Variants in HMCN2 observed in about 807,000 individuals in gnomAD.
HMCN2 encodes the protein hemicentin 2, also known as hemicentin-2.
A neutral mutation model predicts 377.5 loss-of-function variants in HMCN2; 325 were observed. The observed-to-expected ratio is 0.86, with a 90% CI of 0.79 to 0.94. The LOEUF (loss-of-function observed/expected upper bound fraction) is 0.94. HMCN2 is among the 40% of genes least tolerant of loss of function. The pLI is 0.00. For synonymous variants in HMCN2, 2,007 were observed against 2,046.8 expected, an observed-to-expected ratio of 0.98 and a Z score of 0.53; for missense variants, 4,543 against 4,725.3, an observed-to-expected ratio of 0.96 and a Z score of 1.13.
intron 25 of HMCN2, among the ~76,000 whole-genome samples, 199 bp from the exon 26 acceptor site, chr9:130,346,967 A>G (rs967589916): frequency 0.04 from 6,104 of 152,120 alleles, 147 homozygotes; most frequent in African/African-American, 0.068. Flanking sequence ...ATGGATGGGC[A>G]GTGTGGGTAG....
At chr9:130,416,569 T>C (rs551854648) in intron 85 of HMCN2, among the ~76,000 whole-genome samples, 2 of 152,340 alleles carry the variant, frequency 1.3e-5, no homozygotes, top group East Asian at 3.9e-4. Context: ...AGTTTATTCA[T>C]GTATTCCACT....
chr9:130,276,034 G>C (rs1253564460), intron 1 of HMCN2, among the ~76,000 whole-genome samples: 1 of 151,258 alleles, frequency 6.6e-6, no homozygotes, highest in Non-Finnish European at 1.5e-5. Context: ...GCTAGAAAGA[G>C]ATGGCCCAGG....
intron 71 of HMCN2, 31 bp downstream of exon 71, chr9:130,395,378 C>T (rs768415949): frequency 6.0e-5 from 76 of 1,269,896 alleles, no homozygotes; most frequent in Non-Finnish European, 7.5e-5. Flanking sequence ...CAGGGTGCTG[C>T]CTTCTGTCCC....
intron 54 of HMCN2, among the ~76,000 whole-genome samples, chr9:130,380,127 G>C (rs1283607716): frequency 2.0e-5 from 3 of 152,188 alleles, no homozygotes; most frequent in Admixed American, 2.0e-4. Flanking sequence ...CCACCGTCTC[G>C]GATCGGCCTC....
rs1195107799 is a variant in HMCN2, at chr9:130,351,926, C to T, written c.4585+349C>T. Among the ~76,000 whole-genome samples, 1 of 152,116 alleles carries T rather than the reference C, an allele frequency of 6.6e-6. No individual in the cohort carries two copies. The highest frequency in any genetic ancestry group is 1.5e-5 in the Non-Finnish European group (1 of 68,038). Reference sequence around the variant, plus strand: ...TCCCAGATTCAAGTGATTCTCTTGCCTCAGCCTCCCGAGTAGCTGGGATTA... The same window carrying T: ...TCCCAGATTCAAGTGATTCTCTTGCTTCAGCCTCCCGAGTAGCTGGGATTA... On this transcript the variant is annotated intron_variant, in intron 30 of 97. Transcript: ENST00000683500. The surrounding 1 kb of genome is among the most constrained non-coding windows in gnomAD (Gnocchi z 5.4).
chr9:130,384,871 A>G (rs1039777686), intron 59 of HMCN2, 73 bp downstream of exon 59: 1 of 1,028,348 alleles, frequency 9.7e-7, no homozygotes, highest in Non-Finnish European at 1.3e-6. Context: ...ACTCCCCCAG[A>G]GAACATAGAC....
intron 48 of HMCN2, among the ~76,000 whole-genome samples, chr9:130,374,114 G>A (rs551379348): frequency 6.6e-6 from 1 of 151,890 alleles, no homozygotes; most frequent in Non-Finnish European, 1.5e-5. Flanking sequence ...ATGGGTGGGC[G>A]GTGGGTGTGT....
intron 60 of HMCN2, 29 bp from the exon 61 acceptor site, chr9:130,386,414 A>G: frequency 7.8e-7 from 1 of 1,290,158 alleles, no homozygotes; most frequent in Non-Finnish European, 1.0e-6. Context: ...GCTCCAGCAC[A>G]CAGCCACTGT....
intron 23 of HMCN2, among the ~76,000 whole-genome samples, chr9:130,340,820 G>A (rs1036237984): frequency 1.4e-4 from 21 of 152,146 alleles, no homozygotes; most frequent in Admixed American, 1.3e-3. Flanking sequence ...TCCCAGCCCC[G>A]AGTGGCGCTT....
In HMCN2 at chr9:130,309,910, AG is replaced by A. The variant is rs1554938327; in HGVS notation, c.2204del. ...CCTGATGCTTCTTCCTCTTTGGTCCAGGGGGTCTTGAAATGATCCTGGCCCC... is the reference window on the plus strand; with the variant it reads ...CCTGATGCTTCTTCCTCTTTGGTCCAGGGGTCTTGAAATGATCCTGGCCCC... On this transcript the variant is annotated splice_acceptor_variant, in intron 14 of 97. Coordinates refer to ENST00000683500, the MANE Select transcript of HMCN2 (RefSeq NM_001291815.2). LOFTEE classifies it high-confidence loss of function. The A allele has an allele frequency of 2.0e-6, 1 of 495,632 alleles. No individual in the cohort carries two copies. Among genetic ancestry groups the A allele is most frequent in the East Asian group, 6.2e-5 (1 of 16,204 alleles). 30.7% of individuals were successfully genotyped at this position (495,632 alleles called of 1,614,324 possible). A position where few individuals can be genotyped will look rare whatever the true frequency, so the allele number is the denominator to read the frequency against.
chr9:130,422,525 G>A lies in HMCN2; in HGVS notation c.13232-52G>A. On this transcript the variant is annotated intron_variant, in intron 86 of 97. Coordinates refer to ENST00000683500, the MANE Select transcript of HMCN2 (RefSeq NM_001291815.2). This position sits in a 1 kb window ranked among gnomAD's most constrained non-coding sequence, Gnocchi z 4.2. Reference sequence around the variant, plus strand: ...GGGAATGACAGCCTGCTTGTGCTGTGGGCCCCGGGGTGGATAGTCAGTGGC... The same window carrying A: ...GGGAATGACAGCCTGCTTGTGCTGTAGGCCCCGGGGTGGATAGTCAGTGGC... The A allele has an allele frequency of 7.9e-7, 1 of 1,266,926 alleles. No homozygotes were observed. Among genetic ancestry groups the A allele is most frequent in the Non-Finnish European group, 1.0e-6 (1 of 995,626 alleles). The allele number at this position is 1,266,926 out of a possible 1,614,324, so 78.5% of individuals were successfully genotyped here. A position where few individuals can be genotyped will look rare whatever the true frequency, so the allele number is the denominator to read the frequency against.
rs1283093383 is a variant in HMCN2 at position 130,321,828 on chromosome 9, C to G, written c.2817C>G (p.Ser939Arg). 6.6e-6 allele frequency: 1 copy of G among 152,222 alleles called. No individual in the cohort carries two copies. The highest frequency in any genetic ancestry group is 2.4e-5 in the African/African-American group (1 of 41,428). The allele number at this position is 152,222 out of a possible 1,614,324, so 9.4% of individuals were successfully genotyped here. Residue 939 changes from serine to arginine, a missense_variant, in exon 19 of 98, where the codon AGC (serine) becomes AGG (arginine). Coordinates refer to ENST00000683500, the MANE Select transcript of HMCN2 (RefSeq NM_001291815.2). ...GSRHSIRADG[S>R]LHLDRALQEH... ...GGCATTCCATCCGAGCAGACGGCAG[C>G]CTCCACCTTGACCGAGCATTGCAGG... is the stretch of plus-strand genomic sequence containing the variant.
chr9:130,395,682 T>C (rs979640785), intron 71 of HMCN2, among the ~76,000 whole-genome samples: 12 of 152,166 alleles, frequency 7.9e-5, no homozygotes, highest in Admixed American at 7.2e-4. Context: ...AGTTTGCGGC[T>C]GTGGATTCAG....
intron 7 of HMCN2, 91 bp from the exon 8 acceptor site, chr9:130,298,934 C>T: frequency 2.5e-6 from 1 of 398,476 alleles, no homozygotes; most frequent in South Asian, 1.9e-5. Context: ...CAAGCAGGAC[C>T]CCTGGGGTGT....
intron 40 of HMCN2, among the ~76,000 whole-genome samples, chr9:130,364,381 A>T (rs370222738): frequency 6.6e-6 from 1 of 152,258 alleles, no homozygotes; most frequent in Non-Finnish European, 1.5e-5. Flanking sequence ...AGACCTGCTT[A>T]AAAAAATTTT....
chr9:130,386,096 A>G (rs1354119002), intron 60 of HMCN2, among the ~76,000 whole-genome samples: 1 of 151,604 alleles, frequency 6.6e-6, no homozygotes, highest in Non-Finnish European at 1.5e-5. Flanking sequence ...CCTTCCGTGG[A>G]GTGGATTAGA....
intron 14 of HMCN2, among the ~76,000 whole-genome samples, chr9:130,309,251 C>T (rs1339870690): frequency 2.6e-5 from 4 of 152,074 alleles, no homozygotes; most frequent in South Asian, 2.1e-4. Flanking sequence ...TGGTGACTCA[C>T]GCCTGTAATC....
At chr9:130,281,259 C>G (rs1554925585) in intron 1 of HMCN2, among the ~76,000 whole-genome samples, 1 of 152,124 alleles carries the variant, frequency 6.6e-6, no homozygotes, top group Non-Finnish European at 1.5e-5. Context: ...CCAGCACTGC[C>G]ACTTATTGGC....
In HMCN2 at chr9:130,265,776, G is replaced by A; in HGVS notation, c.-103G>A. 4.4e-6 allele frequency: 1 copy of A among 226,948 alleles called. No individual in the cohort carries two copies. Among genetic ancestry groups the A allele is most frequent in the Non-Finnish European group, 8.7e-6 (1 of 114,332 alleles). 14.1% of individuals were successfully genotyped at this position (226,948 alleles called of 1,614,324 possible). On this transcript the variant is annotated 5_prime_UTR_variant, in exon 1 of 98. Coordinates refer to ENST00000683500, the MANE Select transcript of HMCN2 (RefSeq NM_001291815.2). Reference sequence around the variant, plus strand: ...ATCCCTCGCGCACTGGCCGCGGCCCGACGGAGCAAGGCACTGCCTGCAGCC... The same window carrying A: ...ATCCCTCGCGCACTGGCCGCGGCCCAACGGAGCAAGGCACTGCCTGCAGCC...
Sources: allele counts gnomAD v4.1 joint callset (sites outside exome capture counted in the v4.1 genomes callset), GRCh38; gene constraint gnomAD v4.1.1; non-coding constraint Gnocchi (gnomAD v3.1); transcripts MANE v1.5; gene names NCBI Gene and HGNC (gene_info 2026-07-23, HGNC 2026-07-21).